Variants in CUL1 observed in about 807,000 individuals in gnomAD.
CUL1 encodes cullin 1, also known as cullin-1.
Under a neutral mutation model 118.0 loss-of-function variants are expected in CUL1, and 24 were observed. The observed-to-expected ratio is 0.20, with a 90% CI of 0.15 to 0.29. CUL1 has a LOEUF of 0.29. Ranked by LOEUF, CUL1 falls within the 10% of genes least tolerant of loss-of-function variation. CUL1 has a pLI of 1.00. For synonymous variants in CUL1, 332 were observed against 340.4 expected (o/e 0.98, Z 0.27); for missense variants, 361 against 933.8 (o/e 0.39, Z 7.99).
intron 2 of CUL1, among the ~76,000 whole-genome samples, chr7:148,734,036 A>G (rs567440122): frequency 4.7e-4 from 70 of 150,518 alleles, no homozygotes; most frequent in African/African-American, 1.3e-3. Context: ...AGCCAAAAAA[A>G]AAAAGAAAAG....
In CUL1 at chr7:148,725,219, G is replaced by GCGCGCGCGCACACACACACA; in HGVS notation, c.-161-4742_-161-4741insGCGCGCGCACACACACACAC. Among the ~76,000 whole-genome samples, 194 of 140,148 alleles carry GCGCGCGCGCACACACACACA rather than the reference G, an allele frequency of 1.4e-3. 2 individuals are homozygous for GCGCGCGCGCACACACACACA. The highest frequency in any genetic ancestry group is 7.4e-3 in the Middle Eastern group (2 of 272). 91.9% of individuals were successfully genotyped at this position (140,148 alleles called of 152,430 possible). A position where few individuals can be genotyped will look rare whatever the true frequency, so the allele number is the denominator to read the frequency against. On this transcript the variant is annotated intron_variant, in intron 1 of 21. Coordinates refer to ENST00000325222, the MANE Select transcript of CUL1 (RefSeq NM_003592.3). ...CGTGTACACACACACACACGCGCGC[G>GCGCGCGCGCACACACACACA]CTCACACACACACACACACACACAC... is the stretch of plus-strand genomic sequence containing the variant.
chr7:148,727,923 A>G (rs1311605244), intron 1 of CUL1, among the ~76,000 whole-genome samples: 1 of 152,142 alleles, frequency 6.6e-6, no homozygotes, highest in African/African-American at 2.4e-5. Flanking sequence ...TCTTAGGGTG[A>G]CAGCCTATTC....
intron 1 of CUL1, among the ~76,000 whole-genome samples, chr7:148,724,802 G>A (rs1477842861): frequency 6.6e-6 from 1 of 152,068 alleles, no homozygotes; most frequent in Non-Finnish European, 1.5e-5. Context: ...CTATACCTGA[G>A]TACTTTTGAA....
In CUL1 at chr7:148,798,691, A is replaced by T. The variant is rs201071403; in HGVS notation, c.2136+14A>T. 3.0e-5 allele frequency: 48 copies of T among 1,605,204 alleles called. 1 individual carries two copies. The South Asian group carries it at 5.0e-4, about 17-fold the overall frequency. The stretch of plus-strand genomic sequence containing the variant: ...CTACTGATTCAGGTGACTTATCTGT[A>T]TGCCTGTGCCAGGTGTGCTGTCCCT... On this transcript the variant is annotated intron_variant, in intron 20 of 21. Coordinates refer to ENST00000325222, the MANE Select transcript of CUL1 (RefSeq NM_003592.3).
At chr7:148,783,350 A>T in intron 9 of CUL1, 1 of 985,400 alleles carries the variant, frequency 1.0e-6, no homozygotes, top group Non-Finnish European at 1.2e-6. Flanking sequence ...TCCCGCCCTG[A>T]GCCCCGCTTT....
At chr7:148,730,364 C>G in intron 2 of CUL1, 102 bp downstream of exon 2, 1 of 1,291,354 alleles carries the variant, frequency 7.7e-7, no homozygotes, top group Non-Finnish European at 1.0e-6. Context: ...CCTCCCAGTT[C>G]ATCATGTAAA....
rs147863334 is a variant in CUL1, at chr7:148,725,198, TACAC to T, written c.-161-4753_-161-4750del. Reference sequence around the variant, plus strand: ...GGCATGCAGCGCACATGCGCGCGTGTACACACACACACACGCGCGCGCTCACACA... The same window carrying T: ...GGCATGCAGCGCACATGCGCGCGTGTACACACACACGCGCGCGCTCACACA... On this transcript the variant is annotated intron_variant, in intron 1 of 21. Coordinates refer to ENST00000325222, the MANE Select transcript of CUL1 (RefSeq NM_003592.3). Among the ~76,000 whole-genome samples the T allele has an allele frequency of 8.3e-3, 883 of 106,786 alleles. 5 individuals are homozygous for T. The highest frequency in any genetic ancestry group is 0.025 in the African/African-American group (789 of 31,532). The allele number at this position is 106,786 out of a possible 152,430, so 70.1% of individuals were successfully genotyped here.
At position 148,783,805 on chromosome 7, in the gene CUL1, C is replaced by T; in HGVS notation, c.1106C>T (p.Thr369Ile). 6.2e-7 allele frequency: 1 copy of T among 1,614,150 alleles called. No individual in the cohort carries two copies. Among genetic ancestry groups the T allele is most frequent in the Non-Finnish European group, 8.5e-7 (1 of 1,180,006 alleles). Residue 369 changes from threonine (T) to isoleucine (I), a missense_variant, in exon 10 of 22, where the codon ACA (threonine) becomes ATA (isoleucine). This residue lies in a region of CUL1 where 169 missense variants were observed against 429.7 expected (regional missense o/e 0.39). Transcript: ENST00000325222. ...AAGGACCCCAAAATGTATGTACAGACAGTGCTTGATGTTCATAAAAAATAC... is the reference window on the plus strand; with the variant it reads ...AAGGACCCCAAAATGTATGTACAGATAGTGCTTGATGTTCATAAAAAATAC... The part of the protein sequence containing the change: ...ALNDPKMYVQ[T>I]VLDVHKKYNA...
chr7:148,750,295 T>C (rs897801439), intron 2 of CUL1, among the ~76,000 whole-genome samples: 3 of 57,902 alleles, frequency 5.2e-5, no homozygotes, highest in African/African-American at 1.7e-4. Context: ...CACCTAGGAC[T>C]TTTTTTTTTT....
intron 1 of CUL1, among the ~76,000 whole-genome samples, chr7:148,710,689 G>C (rs1031734482): frequency 2.7e-5 from 4 of 150,442 alleles, no homozygotes; most frequent in Admixed American, 2.6e-4. Flanking sequence ...TTGGGGTTTC[G>C]CTGTTGTCTC....
At chr7:148,703,357 C>T (rs1221191394) in intron 1 of CUL1, among the ~76,000 whole-genome samples, 6 of 152,016 alleles carry the variant, frequency 3.9e-5, no homozygotes, top group African/African-American at 1.4e-4. Context: ...GATGTTATGA[C>T]TCATTGGCCT....
At chr7:148,698,647 G>T (rs1437703381), upstream of CUL1, 1 of 151,906 alleles carries the variant, frequency 6.6e-6, no homozygotes, top group Admixed American at 6.6e-5. Flanking sequence ...CCCCTCCCGC[G>T]CCTCGGGCTG....
At chr7:148,789,710 A>G (rs2129463123) in intron 14 of CUL1, 40 bp from the exon 15 acceptor site, 1 of 1,519,746 alleles carries the variant, frequency 6.6e-7, no homozygotes, top group Non-Finnish European at 9.1e-7. Flanking sequence ...TAATTAATGT[A>G]TTCCAGAATG....
chr7:148,741,577 C>T (rs142868439), intron 2 of CUL1, among the ~76,000 whole-genome samples: 10 of 151,274 alleles, frequency 6.6e-5, no homozygotes, highest in South Asian at 2.1e-4. Context: ...TAGCTGGAAC[C>T]GCAGGTGTGC....
rs560841553 is a variant in CUL1 at position 148,748,200 on chromosome 7, C to A, written c.141-5776C>A. Reference sequence around the variant, plus strand: ...CAAAACAGGATCGTAGAAATTAATCCAAATAACAGTATGAAACAGTTTACC... The same window carrying A: ...CAAAACAGGATCGTAGAAATTAATCAAAATAACAGTATGAAACAGTTTACC... On this transcript the variant is annotated intron_variant, in intron 2 of 21. Coordinates refer to ENST00000325222, the MANE Select transcript of CUL1 (RefSeq NM_003592.3). Among the ~76,000 whole-genome samples, 28 of 152,020 alleles carry A rather than the reference C, an allele frequency of 1.8e-4. No homozygotes were observed. The South Asian group carries it at 4.0e-3, about 22-fold the overall frequency.
chr7:148,790,236 GGGCTT>G, intron 15 of CUL1, 69 bp from the exon 16 acceptor site: 1 of 1,488,036 alleles, frequency 6.7e-7, no homozygotes, highest in Non-Finnish European at 9.4e-7. Context: ...TTGGAACAGT[GGGCTT>G]TACTTAGAAA....
intron 9 of CUL1, among the ~76,000 whole-genome samples, chr7:148,773,198 A>G (rs528041217): frequency 6.6e-6 from 1 of 152,244 alleles, no homozygotes; most frequent in South Asian, 2.1e-4. Context: ...GATAATATAA[A>G]TCATAATATT....
At chr7:148,798,094 A>G (rs1801268803) in intron 19 of CUL1, 75 bp downstream of exon 19, 12 of 853,812 alleles carry the variant, frequency 1.4e-5, no homozygotes, top group South Asian at 9.7e-5. Context: ...GGATCTCAGT[A>G]TTGTTACAAA....
At chr7:148,749,245 CGT>C (rs1157455721) in intron 2 of CUL1, among the ~76,000 whole-genome samples, 1 of 151,400 alleles carries the variant, frequency 6.6e-6, no homozygotes, top group Non-Finnish European at 1.5e-5. Context: ...GGAGAAACCC[CGT>C]CTCTACTAAA....
Sources: allele counts gnomAD v4.1 joint callset (sites outside exome capture counted in the v4.1 genomes callset), GRCh38; gene constraint gnomAD v4.1.1; regional missense constraint gnomAD v4.1.1; transcripts MANE v1.5; gene names NCBI Gene and HGNC (gene_info 2026-07-23, HGNC 2026-07-21).